ZNF536: variants seen among roughly 807,000 people sequenced by gnomAD.
ZNF536 encodes zinc finger protein 536.
A neutral mutation model predicts 84.5 loss-of-function variants in ZNF536; 13 were observed. The observed-to-expected ratio is 0.15, with a 90% CI of 0.10 to 0.24. The LOEUF is 0.24. Ranked by LOEUF, ZNF536 falls within the 10% of genes least tolerant of loss-of-function variation. ZNF536 has a pLI of 1.00. For missense variants in ZNF536, 1,536 were observed against 1,747.5 expected (o/e 0.88, Z 2.16); for synonymous variants, 811 against 742.5 (o/e 1.09, Z -1.50).
At chr19:30,364,848 G>A (rs2048378993) in intron 3 of ZNF536, among the ~76,000 whole-genome samples, 1 of 152,252 alleles carries the variant, frequency 6.6e-6, no homozygotes, top group East Asian at 1.9e-4. Context: ...AGGTACTTTG[G>A]GTGATACAAG....
At chr19:30,246,219 T>C (rs2024265751) in intron 1 of ZNF536, among the ~76,000 whole-genome samples, 1 of 152,198 alleles carries the variant, frequency 6.6e-6, no homozygotes, top group Admixed American at 6.5e-5. Flanking sequence ...GACTCCTGTC[T>C]TGGGGAGCTT....
At chr19:30,292,891 C>T (rs1339119386) in intron 2 of ZNF536, among the ~76,000 whole-genome samples, 3 of 152,330 alleles carry the variant, frequency 2.0e-5, no homozygotes, top group Middle Eastern at 3.4e-3. Context: ...TCAACACGCA[C>T]AGGATTTCCT....
chr19:30,692,327 A>AT (rs1344741031), intron 1 of ZNF536, among the ~76,000 whole-genome samples: 4 of 152,098 alleles, frequency 2.6e-5, no homozygotes, highest in African/African-American at 7.2e-5. Flanking sequence ...AATTAATCAA[A>AT]TTTTTTTCCC....
intron 1 of ZNF536, among the ~76,000 whole-genome samples, chr19:30,389,643 C>T (rs1222035332): frequency 6.6e-6 from 1 of 152,176 alleles, no homozygotes; most frequent in Admixed American, 6.5e-5. Flanking sequence ...AGGCCAAGAC[C>T]AGAACCCTTG....
intron 1 of ZNF536, among the ~76,000 whole-genome samples, chr19:30,647,049 C>T (rs540696085): frequency 1.3e-5 from 2 of 152,300 alleles, no homozygotes; most frequent in Admixed American, 1.3e-4. Context: ...CTTTGTGAGT[C>T]AGTGCACAAA....
chr19:30,502,202 G>A (rs1456036296), intron 2 of ZNF536, among the ~76,000 whole-genome samples: 1 of 152,142 alleles, frequency 6.6e-6, no homozygotes, highest in Admixed American at 6.6e-5. Flanking sequence ...CTTTACATGG[G>A]CACTTACAGA....
chr19:30,394,237 A>G (rs189158122), intron 1 of ZNF536, among the ~76,000 whole-genome samples: 16 of 152,232 alleles, frequency 1.1e-4, no homozygotes, highest in African/African-American at 3.9e-4. Context: ...CTTGTGTTAT[A>G]GAATTGCTGA....
At chr19:30,237,691 G>A (rs1173611117) in intron 1 of ZNF536, among the ~76,000 whole-genome samples, 1 of 152,086 alleles carries the variant, frequency 6.6e-6, no homozygotes, top group Middle Eastern at 3.4e-3. Context: ...GATTCTTTGT[G>A]TGCATTTTGT....
chr19:30,676,033 T>A (rs1210996194), intron 1 of ZNF536, among the ~76,000 whole-genome samples: 1 of 150,036 alleles, frequency 6.7e-6, no homozygotes, highest in Non-Finnish European at 1.5e-5. Context: ...AATTTTTTAA[T>A]TTTTTTTAAT....
At chr19:30,406,026 C>A (rs567598751) in intron 1 of ZNF536, among the ~76,000 whole-genome samples, 162 of 152,322 alleles carry the variant, frequency 1.1e-3, no homozygotes, top group African/African-American at 3.7e-3. Context: ...ATCCACCCAC[C>A]TTGGCCTCCC....
rs186648934 is a variant in ZNF536, at chr19:30,471,381, G to A, written c.2170+25649G>A. Among the ~76,000 whole-genome samples the A allele has an allele frequency of 9.1e-4, 139 of 152,326 alleles. 1 individual carries two copies. Among genetic ancestry groups the A allele is most frequent in the African/African-American group, 3.2e-3 (134 of 41,574 alleles). ...ATAGAGCTCAGTGCAAAATGCAAAT[G>A]TGGGGCCCACTGTTCAGTCACAAAG... On this transcript the variant is annotated intron_variant, in intron 2 of 4. Transcript: ENST00000355537.
chr19:30,520,269 A>G (rs1321534498), intron 2 of ZNF536, among the ~76,000 whole-genome samples: 1 of 152,090 alleles, frequency 6.6e-6, no homozygotes, highest in Non-Finnish European at 1.5e-5. Context: ...ATATCAGGGC[A>G]TGTGTTCTCG....
intron 2 of ZNF536, among the ~76,000 whole-genome samples, chr19:30,510,943 C>G (rs924943317): frequency 1.3e-5 from 2 of 152,174 alleles, no homozygotes; most frequent in African/African-American, 4.8e-5. Context: ...CCGGGTCAGG[C>G]GTAGAGTGGG....
At chr19:30,662,300 G>A (rs761466776) in intron 1 of ZNF536, among the ~76,000 whole-genome samples, 8 of 152,204 alleles carry the variant, frequency 5.3e-5, no homozygotes, top group Middle Eastern at 3.2e-3. Context: ...TTAGTAATCT[G>A]TGCCTAATGA....
intron 2 of ZNF536, among the ~76,000 whole-genome samples, chr19:30,458,735 A>G (rs2052990744): frequency 1.3e-5 from 2 of 151,986 alleles, no homozygotes; most frequent in Non-Finnish European, 2.9e-5. Flanking sequence ...TACAGGCGTG[A>G]GCCACCACGC....
intron 1 of ZNF536, among the ~76,000 whole-genome samples, chr19:30,586,776 A>G (rs892576183): frequency 6.6e-6 from 1 of 152,232 alleles, no homozygotes; most frequent in African/African-American, 2.4e-5. Context: ...GCAGTCTTGT[A>G]GTCCAAGAAA....
rs1486436241 is a variant in ZNF536 at position 30,402,516 on chromosome 19, T to G, written c.-3+29960T>G. On this transcript the variant is annotated intron_variant, in intron 1 of 4. Coordinates refer to ENST00000355537, the MANE Select transcript of ZNF536 (RefSeq NM_014717.3). ...GCTTTTAGGAGGAAGCAGCATTCAT[T>G]TCTTTCCTCCTAAAAGTGCTGGAGA... Among the ~76,000 whole-genome samples, 11 of 152,148 alleles carry G rather than the reference T, an allele frequency of 7.2e-5. No homozygotes were observed. In the East Asian group the frequency reaches 1.7e-3, roughly 24 times the overall value.
chr19:30,409,271 G>T (rs2050388340), intron 1 of ZNF536, among the ~76,000 whole-genome samples: 1 of 152,172 alleles, frequency 6.6e-6, no homozygotes, highest in Non-Finnish European at 1.5e-5. Flanking sequence ...AAAGTCAGAG[G>T]TTTTGAACTT....
chr19:30,630,429 GTT>G (rs1296661226), intron 1 of ZNF536, among the ~76,000 whole-genome samples: 3 of 142,232 alleles, frequency 2.1e-5, no homozygotes, highest in Non-Finnish European at 3.1e-5. Flanking sequence ...GTGTGTGTGT[GTT>G]TGTGTACCTG....
Sources: allele counts gnomAD v4.1 joint callset (sites outside exome capture counted in the v4.1 genomes callset), GRCh38; gene constraint gnomAD v4.1.1; transcripts MANE v1.5; gene names NCBI Gene and HGNC (gene_info 2026-07-23, HGNC 2026-07-21).